KCNC2: variants seen among roughly 807,000 people sequenced by gnomAD.
The protein encoded by KCNC2 is voltage-gated potassium channel KCNC2.
A neutral mutation model predicts 44.5 loss-of-function variants in KCNC2; 21 were observed. That is an observed-to-expected ratio of 0.47 (90% confidence interval 0.33 to 0.68). The LOEUF is 0.68. Ranked by LOEUF, KCNC2 falls within the 30% of genes least tolerant of loss-of-function variation. The probability of loss-of-function intolerance (pLI) is 0.01; values close to 1 mark genes in which losing one functional copy is unlikely to be tolerated. For synonymous variants in KCNC2, 391 were observed against 339.1 expected, an observed-to-expected ratio of 1.15 and a Z score of -1.68; for missense variants, 589 against 826.2, an observed-to-expected ratio of 0.71 and a Z score of 3.52.
intron 2 of KCNC2, among the ~76,000 whole-genome samples, chr12:75,147,693 G>A (rs981947380): frequency 6.6e-6 from 1 of 152,108 alleles, no homozygotes; most frequent in South Asian, 2.1e-4. Context: ...CACATGGCTT[G>A]GCCAAGACCA....
intron 2 of KCNC2, among the ~76,000 whole-genome samples, chr12:75,191,807 C>T (rs2030306350): frequency 6.6e-6 from 1 of 151,740 alleles, no homozygotes; most frequent in African/African-American, 2.4e-5. Flanking sequence ...CCTCGGCCTC[C>T]CAAAGTGCTG....
chr12:75,084,298 A>AGATAGATAGATAGAT (rs1565840459), intron 2 of KCNC2, among the ~76,000 whole-genome samples: 19 of 144,316 alleles, frequency 1.3e-4, no homozygotes, highest in African/African-American at 4.9e-4. Flanking sequence ...GATGATAGAT[A>AGATAGATAGATAGAT]GATAGATAGA....
intron 2 of KCNC2, among the ~76,000 whole-genome samples, chr12:75,058,928 A>G (rs1190081548): frequency 6.6e-6 from 1 of 152,004 alleles, no homozygotes; most frequent in Non-Finnish European, 1.5e-5. Context: ...TGTTTAGTGG[A>G]CATCTGCTCC....
intron 2 of KCNC2, among the ~76,000 whole-genome samples, chr12:75,060,433 A>AGTT (rs1253465579): frequency 2.6e-5 from 4 of 151,966 alleles, no homozygotes; most frequent in African/African-American, 9.7e-5. Flanking sequence ...AATGGCTCCC[A>AGTT]ACTACTAGAT....
intron 2 of KCNC2, among the ~76,000 whole-genome samples, chr12:75,126,366 A>C (rs147183263): frequency 1.2e-3 from 180 of 152,348 alleles, no homozygotes; most frequent in Non-Finnish European, 2.2e-3. Flanking sequence ...ATATTTACTC[A>C]ACAAATTTTT....
chr12:75,073,137 C>A (rs1034451436), intron 2 of KCNC2, among the ~76,000 whole-genome samples: 1 of 152,156 alleles, frequency 6.6e-6, no homozygotes, highest in African/African-American at 2.4e-5. Flanking sequence ...AGAGCTACTG[C>A]CATTTCTTTG....
intron 2 of KCNC2, among the ~76,000 whole-genome samples, chr12:75,061,566 TACACACACACACACACACACACACACAC>T (rs59052402): frequency 1.4e-5 from 2 of 143,350 alleles, no homozygotes; most frequent in Non-Finnish European, 3.1e-5. Flanking sequence ...AAGTGACAAG[TACACACACACACACACACACACACACAC>T]ACACACACAC....
intron 2 of KCNC2, among the ~76,000 whole-genome samples, chr12:75,142,693 G>C (rs1305407515): frequency 1.3e-5 from 2 of 152,178 alleles, no homozygotes; most frequent in Non-Finnish European, 2.9e-5. Flanking sequence ...TATTGGCTAA[G>C]GGCCTCAGCT....
At chr12:75,134,505 T>C (rs1243374310) in intron 2 of KCNC2, among the ~76,000 whole-genome samples, 1 of 151,824 alleles carries the variant, frequency 6.6e-6, no homozygotes, top group Non-Finnish European at 1.5e-5. Context: ...ATCTTTGTGA[T>C]AAATTAAATT....
intron 2 of KCNC2, among the ~76,000 whole-genome samples, chr12:75,080,810 C>T (rs1345534669): frequency 2.0e-5 from 3 of 151,920 alleles, no homozygotes; most frequent in Non-Finnish European, 2.9e-5. Flanking sequence ...GTGCATGTGC[C>T]GTGATGGGAT....
intron 2 of KCNC2, among the ~76,000 whole-genome samples, chr12:75,173,478 C>T (rs917761879): frequency 1.3e-5 from 2 of 151,810 alleles, no homozygotes; most frequent in Admixed American, 1.3e-4. Flanking sequence ...CCTCATTTCT[C>T]ACAAACAAAA....
At chr12:75,109,915 GGAAAT>G (rs1887090622) in intron 2 of KCNC2, among the ~76,000 whole-genome samples, 1 of 151,894 alleles carries the variant, frequency 6.6e-6, no homozygotes, top group Non-Finnish European at 1.5e-5. Flanking sequence ...AATTGGTAGA[GGAAAT>G]GAAAGAGAAG....
intron 2 of KCNC2, among the ~76,000 whole-genome samples, chr12:75,110,708 G>T (rs767526860): frequency 2.3e-4 from 35 of 152,014 alleles, no homozygotes; most frequent in Non-Finnish European, 4.1e-4. Context: ...CTTTTTGGAA[G>T]TCTTTTCAAT....
At chr12:75,095,034 T>C (rs904139257) in intron 2 of KCNC2, among the ~76,000 whole-genome samples, 5 of 151,890 alleles carry the variant, frequency 3.3e-5, no homozygotes, top group Non-Finnish European at 1.5e-5. Flanking sequence ...GAAGGCATTG[T>C]TCTTCACATA....
At chr12:75,189,281 A>G (rs867855329) in intron 2 of KCNC2, among the ~76,000 whole-genome samples, 14 of 152,298 alleles carry the variant, frequency 9.2e-5, no homozygotes, top group Middle Eastern at 3.4e-3. Context: ...AGGTGAAGAA[A>G]GTTACCACCA....
At chr12:75,187,224 T>A (rs1893014673) in intron 2 of KCNC2, among the ~76,000 whole-genome samples, 1 of 152,212 alleles carries the variant, frequency 6.6e-6, no homozygotes, top group Non-Finnish European at 1.5e-5. Context: ...GGAGGTAGTG[T>A]GTGTGACTCA....
intron 2 of KCNC2, among the ~76,000 whole-genome samples, chr12:75,159,870 T>C (rs1891008020): frequency 6.6e-6 from 1 of 151,880 alleles, no homozygotes; most frequent in African/African-American, 2.4e-5. Flanking sequence ...ACTGCAACTA[T>C]ACTATGAGTT....
At chr12:75,049,863 A>G (rs1472281263) in intron 3 of KCNC2, among the ~76,000 whole-genome samples, 1 of 152,116 alleles carries the variant, frequency 6.6e-6, no homozygotes, top group East Asian at 1.9e-4. Context: ...TTTGTTATCA[A>G]AAAGGTTATC....
intron 2 of KCNC2, among the ~76,000 whole-genome samples, chr12:75,083,175 C>CA (rs896099208): frequency 2.6e-5 from 4 of 151,106 alleles, no homozygotes; most frequent in African/African-American, 9.7e-5. Context: ...CTTTAAAATA[C>CA]AAAAAATAAA....
Sources: allele counts gnomAD v4.1 joint callset (sites outside exome capture counted in the v4.1 genomes callset), GRCh38; gene constraint gnomAD v4.1.1; transcripts MANE v1.5; gene names NCBI Gene and HGNC (gene_info 2026-07-23, HGNC 2026-07-21).